Variants in PAPPA observed in about 807,000 individuals in gnomAD.
The protein encoded by PAPPA is pappalysin-1.
A neutral mutation model predicts 164.0 loss-of-function variants in PAPPA; 60 were observed. The observed-to-expected ratio is 0.37, with a 90% CI of 0.30 to 0.45. PAPPA has a LOEUF of 0.45. Among genes scored for constraint, PAPPA ranks in the 20% least tolerant of loss-of-function variants. The probability of loss-of-function intolerance (pLI) is 1.00; values close to 1 mark genes in which losing one functional copy is unlikely to be tolerated. For synonymous variants in PAPPA, 875 were observed against 814.1 expected, an observed-to-expected ratio of 1.07 and a Z score of -1.27; for missense variants, 1,782 against 2,087.3, an observed-to-expected ratio of 0.85 and a Z score of 2.85.
At chr9:116,216,231 C>G (rs1268967266) in intron 4 of PAPPA, among the ~76,000 whole-genome samples, 1 of 152,164 alleles carries the variant, frequency 6.6e-6, no homozygotes, top group Non-Finnish European at 1.5e-5. Context: ...CTCTCATCAG[C>G]TTTATGAGAC....
chr9:116,172,646 C>T (rs1459604428), intron 1 of PAPPA, among the ~76,000 whole-genome samples: 1 of 152,162 alleles, frequency 6.6e-6, no homozygotes, highest in Non-Finnish European at 1.5e-5. Context: ...CATTTGTTTT[C>T]CCCTCTTGAG....
chr9:116,342,420 A>T (rs966506347), intron 13 of PAPPA, among the ~76,000 whole-genome samples: 4 of 152,154 alleles, frequency 2.6e-5, no homozygotes, highest in African/African-American at 9.7e-5. Context: ...TCAGAAGGAG[A>T]GTATTGGAGA....
At chr9:116,180,297 G>C (rs548710429) in intron 1 of PAPPA, among the ~76,000 whole-genome samples, 1 of 152,154 alleles carries the variant, frequency 6.6e-6, no homozygotes, top group East Asian at 1.9e-4. Flanking sequence ...TGGATTGAGA[G>C]CACCAATCCA....
intron 5 of PAPPA, among the ~76,000 whole-genome samples, chr9:116,221,153 G>A (rs921362443): frequency 1.3e-5 from 2 of 152,094 alleles, no homozygotes; most frequent in African/African-American, 2.4e-5. Flanking sequence ...GCTTGAAGGT[G>A]GAGACCTGAA....
chr9:116,204,943 C>T (rs946247958), intron 2 of PAPPA, among the ~76,000 whole-genome samples: 2 of 152,002 alleles, frequency 1.3e-5, no homozygotes, highest in Non-Finnish European at 2.9e-5. Context: ...GGTAAATACC[C>T]ACATGGACTC....
chr9:116,278,476 A>C (rs1845227881), intron 9 of PAPPA, among the ~76,000 whole-genome samples: 2 of 152,210 alleles, frequency 1.3e-5, no homozygotes, highest in Admixed American at 1.3e-4. Flanking sequence ...CAGGAAACAA[A>C]AGTGAATGCA....
chr9:116,169,503 A>G (rs577030764), intron 1 of PAPPA, among the ~76,000 whole-genome samples: 1 of 151,158 alleles, frequency 6.6e-6, no homozygotes, highest in Admixed American at 6.6e-5. Flanking sequence ...TATTTTTATT[A>G]GAGACAGGGC....
intron 7 of PAPPA, among the ~76,000 whole-genome samples, chr9:116,253,851 C>T (rs1274715138): frequency 1.3e-5 from 2 of 152,038 alleles, no homozygotes; most frequent in Non-Finnish European, 2.9e-5. Context: ...AGCATACTAC[C>T]AAAATTTTCT....
intron 18 of PAPPA, among the ~76,000 whole-genome samples, chr9:116,366,269 G>C (rs572901397): frequency 6.6e-6 from 1 of 152,242 alleles, no homozygotes; most frequent in South Asian, 2.1e-4. Context: ...TGTGAGGTCA[G>C]GGTAGAGAAT....
rs989273130 is a variant in PAPPA, at chr9:116,159,666, C to T, written c.415+5079C>T. Among the ~76,000 whole-genome samples, 4 of 152,202 alleles carry T rather than the reference C, an allele frequency of 2.6e-5. 1 individual carries two copies. The highest frequency in any genetic ancestry group is 2.9e-5 in the Non-Finnish European group (2 of 68,038). On this transcript the variant is annotated intron_variant, in intron 1 of 21. Coordinates refer to ENST00000328252, the MANE Select transcript of PAPPA (RefSeq NM_002581.5). Reference sequence around the variant, plus strand: ...GCTCCTTCCCCAGGTGCTCCTCAAACTCTCACCTTCCGTTGAGCTGCCACT... The same window carrying T: ...GCTCCTTCCCCAGGTGCTCCTCAAATTCTCACCTTCCGTTGAGCTGCCACT...
intron 9 of PAPPA, among the ~76,000 whole-genome samples, chr9:116,292,273 C>T (rs1395162415): frequency 1.3e-5 from 2 of 152,068 alleles, no homozygotes; most frequent in African/African-American, 2.4e-5. Context: ...GCGTAGTTTA[C>T]GTTTTTAGAA....
intron 2 of PAPPA, among the ~76,000 whole-genome samples, chr9:116,194,369 A>G (rs1012704303): frequency 1.3e-5 from 2 of 152,226 alleles, no homozygotes; most frequent in Admixed American, 1.3e-4. Flanking sequence ...TGCAGATGAA[A>G]GGGGGCATTG....
chr9:116,289,937 A>C (rs1476213549), intron 9 of PAPPA, among the ~76,000 whole-genome samples: 4 of 152,228 alleles, frequency 2.6e-5, no homozygotes, highest in Non-Finnish European at 4.4e-5. Flanking sequence ...AAAAGTCCTC[A>C]CTGAGAAGGT....
At chr9:116,291,932 G>A (rs1230505620) in intron 9 of PAPPA, among the ~76,000 whole-genome samples, 2 of 152,158 alleles carry the variant, frequency 1.3e-5, no homozygotes, top group African/African-American at 4.8e-5. Flanking sequence ...GGATTAGAAT[G>A]TGAATTAACT....
chr9:116,280,314 A>G (rs1030626099), intron 9 of PAPPA, among the ~76,000 whole-genome samples: 130 of 152,316 alleles, frequency 8.5e-4, no homozygotes, highest in African/African-American at 3.0e-3. Context: ...ACTTGGAAGT[A>G]TATAACCAAA....
intron 9 of PAPPA, chr9:116,287,374 T>G (rs1055808463): frequency 4.6e-5 from 7 of 152,272 alleles, no homozygotes; most frequent in African/African-American, 1.7e-4. Context: ...GAGGTTAAAC[T>G]GTGAATAAAG....
intron 14 of PAPPA, among the ~76,000 whole-genome samples, chr9:116,346,769 A>G (rs1038426033): frequency 3.3e-5 from 5 of 152,164 alleles, no homozygotes; most frequent in African/African-American, 9.7e-5. Context: ...CTCAAGTCCA[A>G]CTTATCCTTT....
rs142176678 is a variant in PAPPA at position 116,344,659 on chromosome 9, G to A, written c.3728G>A (p.Arg1243Gln). The A allele has an allele frequency of 2.0e-5, 33 of 1,614,134 alleles. No homozygotes were observed. Among genetic ancestry groups the A allele is most frequent in the Admixed American group, 1.2e-4 (7 of 60,018 alleles). The change falls in exon 14 of 22, where the codon CGG becomes CAG. Residue 1243 changes from arginine to glutamine, a missense_variant. Arg to Gln is a conservative substitution (Grantham distance 43). Transcript: ENST00000328252. Reference protein sequence around the residue: ...YHGAQCTVSCRTGYVLQIRRD... With the variant: ...YHGAQCTVSCQTGYVLQIRRD... ...GGTGCCCAGTGTACTGTGAGCTGCC[G>A]GACAGGCTACGTGCTCCAGATACGG...
rs1462548335 is a variant in PAPPA at position 116,220,106 on chromosome 9, T to C, written c.2088T>C (p.Pro696=). The part of the protein sequence containing the change: ...TDSVTLEWFP[P]IDGHFFEREL... ...CTGTGACACTGGAGTGGTTCCCACC[T>C]ATAGATGGCCATTTCTTTGAAAGGT... The change falls in exon 5 of 22, where the codon CCT becomes CCC. Residue 696 remains proline, a synonymous_variant. Coordinates refer to ENST00000328252, the MANE Select transcript of PAPPA (RefSeq NM_002581.5). The C allele has an allele frequency of 1.2e-6, 2 of 1,613,672 alleles. No individual in the cohort carries two copies. Among genetic ancestry groups the C allele is most frequent in the East Asian group, 4.5e-5 (2 of 44,866 alleles).
Sources: allele counts gnomAD v4.1 joint callset (sites outside exome capture counted in the v4.1 genomes callset), GRCh38; gene constraint gnomAD v4.1.1; transcripts MANE v1.5; gene names NCBI Gene and HGNC (gene_info 2026-07-23, HGNC 2026-07-21).